HS6ST3: variants seen among roughly 807,000 people sequenced by gnomAD.
HS6ST3 encodes heparan-sulfate 6-O-sulfotransferase 3.
Under a neutral mutation model 36.7 loss-of-function variants are expected in HS6ST3, and 12 were observed. That is an observed-to-expected ratio of 0.33 (90% CI 0.21 to 0.53). The LOEUF (loss-of-function observed/expected upper bound fraction) is 0.53, where lower values mean the gene tolerates loss of function less well. Among genes scored for constraint, HS6ST3 ranks in the 20% least tolerant of loss-of-function variants. The pLI is 0.95. For synonymous variants in HS6ST3, 240 were observed against 257.5 expected (o/e 0.93, Z 0.65); for missense variants, 584 against 640.9 (o/e 0.91, Z 0.96).
chr13:96,817,487 A>G (rs1446035696), intron 1 of HS6ST3, among the ~76,000 whole-genome samples: 1 of 152,222 alleles, frequency 6.6e-6, no homozygotes, highest in Non-Finnish European at 1.5e-5. Context: ...GTGGAAATTA[A>G]TTACTAGAAA....
At chr13:96,457,810 A>C (rs2055761400) in intron 1 of HS6ST3, among the ~76,000 whole-genome samples, 1 of 152,174 alleles carries the variant, frequency 6.6e-6, no homozygotes, top group Non-Finnish European at 1.5e-5. Context: ...TATTTTACTT[A>C]AGATATAAAT....
chr13:96,288,341 A>T (rs1312625613), intron 1 of HS6ST3, among the ~76,000 whole-genome samples: 2 of 152,160 alleles, frequency 1.3e-5, no homozygotes, highest in Non-Finnish European at 1.5e-5. Context: ...TAGATTTCTT[A>T]TAATATAGTT....
chr13:96,315,210 A>C (rs1385490886), intron 1 of HS6ST3, among the ~76,000 whole-genome samples: 1 of 152,184 alleles, frequency 6.6e-6, no homozygotes, highest in African/African-American at 2.4e-5. Flanking sequence ...GTTGGTTCAG[A>C]CATATTTCTC....
chr13:96,152,627 G>A (rs1397421931), intron 1 of HS6ST3, among the ~76,000 whole-genome samples: 3 of 152,060 alleles, frequency 2.0e-5, no homozygotes, highest in Non-Finnish European at 4.4e-5. Context: ...CTGAGCCACC[G>A]CGCCTGGCTC....
At chr13:96,387,821 GAT>G (rs2055376001) in intron 1 of HS6ST3, among the ~76,000 whole-genome samples, 1 of 151,972 alleles carries the variant, frequency 6.6e-6, no homozygotes, top group African/African-American at 2.4e-5. Flanking sequence ...AGATTTGCAT[GAT>G]GATCTTACAG....
chr13:96,454,510 A>G (rs888764366), intron 1 of HS6ST3, among the ~76,000 whole-genome samples: 1 of 152,184 alleles, frequency 6.6e-6, no homozygotes, highest in Non-Finnish European at 1.5e-5. Flanking sequence ...CATAATACTA[A>G]CTATATGTCA....
chr13:96,234,119 A>T (rs9525161), intron 1 of HS6ST3, among the ~76,000 whole-genome samples: 1 of 151,026 alleles, frequency 6.6e-6, no homozygotes, highest in African/African-American at 2.4e-5. Flanking sequence ...AAAAAAGGAA[A>T]GAAAAAGAAG....
rs141960284 is a variant in HS6ST3 at position 96,595,257 on chromosome 13, G to T, written c.708-237233G>T. On this transcript the variant is annotated intron_variant, in intron 1 of 1. Transcript: ENST00000376705. ...AGATGGAGTCTTGCTATGTTGCCAA[G>T]GCTGGTCTCAAACTCCTGGCCTCAA... Among the ~76,000 whole-genome samples, 799 of 152,212 alleles carry T rather than the reference G, an allele frequency of 5.2e-3. 7 individuals are homozygous for T. Among genetic ancestry groups the T allele is most frequent in the African/African-American group, 0.018 (763 of 41,546 alleles).
At chr13:96,317,546 T>G (rs1340858373) in intron 1 of HS6ST3, among the ~76,000 whole-genome samples, 2 of 151,386 alleles carry the variant, frequency 1.3e-5, no homozygotes, top group African/African-American at 4.8e-5. Context: ...CTTTTTGGTG[T>G]AATGATCTAT....
chr13:96,415,784 C>A (rs765248381), intron 1 of HS6ST3, among the ~76,000 whole-genome samples: 6 of 152,120 alleles, frequency 3.9e-5, no homozygotes, highest in Non-Finnish European at 8.8e-5. Context: ...AAGCAAAGAA[C>A]GTATTTTATA....
chr13:96,402,181 TA>T (rs2055455456), intron 1 of HS6ST3, among the ~76,000 whole-genome samples: 2 of 152,184 alleles, frequency 1.3e-5, no homozygotes, highest in African/African-American at 4.8e-5. Flanking sequence ...ATGTTGAACT[TA>T]TTAACTATCT....
intron 1 of HS6ST3, among the ~76,000 whole-genome samples, chr13:96,177,412 A>G (rs537595674): frequency 9.8e-5 from 15 of 152,342 alleles, no homozygotes; most frequent in Non-Finnish European, 1.9e-4. Context: ...AAAATGTGGT[A>G]CATATTCACA....
chr13:96,329,753 C>T (rs1455853406), intron 1 of HS6ST3, among the ~76,000 whole-genome samples: 7 of 118,948 alleles, frequency 5.9e-5, no homozygotes, highest in East Asian at 2.6e-4. Flanking sequence ...CTTTCTGTCT[C>T]GTTGATCTGT....
At chr13:96,823,616 A>G (rs1878583962) in intron 1 of HS6ST3, among the ~76,000 whole-genome samples, 1 of 151,894 alleles carries the variant, frequency 6.6e-6, no homozygotes, top group African/African-American at 2.4e-5. Flanking sequence ...GGTAATTTTT[A>G]TTTTCTTCTT....
At chr13:96,213,641 A>T (rs1594718742) in intron 1 of HS6ST3, among the ~76,000 whole-genome samples, 1 of 152,060 alleles carries the variant, frequency 6.6e-6, no homozygotes, top group East Asian at 1.9e-4. Flanking sequence ...ATGGTGAACC[A>T]CATTAACAGT....
intron 1 of HS6ST3, among the ~76,000 whole-genome samples, chr13:96,592,263 A>G (rs902382332): frequency 6.6e-6 from 1 of 152,204 alleles, no homozygotes; most frequent in Admixed American, 6.5e-5. Flanking sequence ...ACAAATAAAC[A>G]AACAAGCAAA....
In HS6ST3 at chr13:96,299,477, A is replaced by G. The variant is rs369695188; in HGVS notation, c.707+207908A>G. On this transcript the variant is annotated intron_variant, in intron 1 of 1. Coordinates refer to ENST00000376705, the MANE Select transcript of HS6ST3 (RefSeq NM_153456.4). ...AGGTAATGTAAAAGTCACCATGCAT[A>G]GAGAAAACGGCCACCAGATGGAATT... Among the ~76,000 whole-genome samples, 3 of 152,198 alleles carry G rather than the reference A, an allele frequency of 2.0e-5. No individual in the cohort carries two copies. The East Asian group carries it at 5.8e-4, about 29-fold the overall frequency.
intron 1 of HS6ST3, among the ~76,000 whole-genome samples, chr13:96,138,341 A>T (rs2054012627): frequency 1.3e-5 from 2 of 151,290 alleles, no homozygotes; most frequent in African/African-American, 4.8e-5. Context: ...TTATTTTATC[A>T]GCTTTATTGA....
intron 1 of HS6ST3, among the ~76,000 whole-genome samples, chr13:96,638,321 A>G (rs1026721097): frequency 3.3e-5 from 5 of 152,116 alleles, no homozygotes; most frequent in African/African-American, 1.2e-4. Flanking sequence ...TAATATTTAA[A>G]TTGAGAACTC....
Sources: gnomAD v4.1 joint callset for allele counts (sites outside exome capture counted in the v4.1 genomes callset) on GRCh38, gnomAD v4.1.1 for gene constraint, MANE v1.5 for transcripts, NCBI Gene and HGNC (gene_info 2026-07-23, HGNC 2026-07-21) for gene names.